Variants in TNFRSF11B observed in about 807,000 individuals in gnomAD.
TNFRSF11B encodes tumor necrosis factor receptor superfamily member 11B.
In TNFRSF11B, 16 loss-of-function variants were observed where a neutral mutation model predicts 43.4. The observed-to-expected ratio is 0.37, with a 90% CI of 0.25 to 0.56. The LOEUF is 0.56. TNFRSF11B is among the 20% of genes least tolerant of loss of function. The pLI is 0.80. For synonymous variants in TNFRSF11B, 185 were observed against 181.8 expected, an observed-to-expected ratio of 1.02 and a Z score of -0.14; for missense variants, 444 against 490.1, an observed-to-expected ratio of 0.91 and a Z score of 0.89.
At chr8:118,945,438 C>T (rs889483719) in intron 1 of TNFRSF11B, among the ~76,000 whole-genome samples, 1 of 152,028 alleles carries the variant, frequency 6.6e-6, no homozygotes, top group Non-Finnish European at 1.5e-5. Context: ...AACTTTGGAA[C>T]CTGGCTTTTA....
intron 2 of TNFRSF11B, chr8:118,930,494 C>T (rs1318044273): frequency 1.6e-5 from 3 of 191,106 alleles, no homozygotes; most frequent in African/African-American, 4.7e-5. Flanking sequence ...TCACCACAAC[C>T]TCCGCCTCCA....
chr8:118,950,093 A>C (rs1812619360), intron 1 of TNFRSF11B, among the ~76,000 whole-genome samples: 1 of 152,208 alleles, frequency 6.6e-6, no homozygotes. Flanking sequence ...ATATAAAAAT[A>C]TTTTACTATT....
chr8:118,943,914 C>A (rs1447055225), intron 1 of TNFRSF11B, among the ~76,000 whole-genome samples: 1 of 152,092 alleles, frequency 6.6e-6, no homozygotes, highest in Non-Finnish European at 1.5e-5. Flanking sequence ...GCCCAGCTAA[C>A]CCTTTATGTA....
chr8:118,944,853 C>T (rs1812535030), intron 1 of TNFRSF11B, among the ~76,000 whole-genome samples: 1 of 152,120 alleles, frequency 6.6e-6, no homozygotes, highest in African/African-American at 2.4e-5. Flanking sequence ...CTCAATGCAT[C>T]TAAGGAGACT....
chr8:118,938,405 T>C (rs531458208), intron 1 of TNFRSF11B, among the ~76,000 whole-genome samples: 1 of 152,358 alleles, frequency 6.6e-6, no homozygotes, highest in East Asian at 1.9e-4. Context: ...ATTGTTATCA[T>C]TACGTCTCCA....
At position 118,933,076 on chromosome 8, in the gene TNFRSF11B, G is replaced by A. The variant is rs769186979; in HGVS notation, c.255C>T (p.Pro85=). ...TGACGTACTGCAGCTCCTTGCACAC[G>A]GGGCTGCAGTATAGACACTCGTCAC... ...HTSDECLYCS[P]VCKELQYVKQ... Residue 85 remains proline, a synonymous_variant, in exon 2 of 5, where the codon CCC becomes CCT. Transcript: ENST00000297350. 1.9e-5 allele frequency: 31 copies of A among 1,614,042 alleles called. No homozygotes were observed. Among genetic ancestry groups the A allele is most frequent in the South Asian group, 5.5e-5 (5 of 91,090 alleles).
At chr8:118,945,549 C>T (rs1352967791) in intron 1 of TNFRSF11B, among the ~76,000 whole-genome samples, 2 of 152,112 alleles carry the variant, frequency 1.3e-5, no homozygotes, top group African/African-American at 4.8e-5. Flanking sequence ...TGCCTCTCAC[C>T]ACTGCCATTG....
intron 4 of TNFRSF11B, among the ~76,000 whole-genome samples, chr8:118,925,045 A>G (rs1471735745): frequency 1.3e-5 from 2 of 152,302 alleles, no homozygotes; most frequent in South Asian, 2.1e-4. Context: ...AAGACACATC[A>G]CTCTCAGTTT....
rs781271789 is a variant in TNFRSF11B at position 118,932,923 on chromosome 8, A to G, written c.400+8T>C. 1.9e-6 allele frequency: 3 copies of G among 1,613,968 alleles called. No homozygotes were observed. The highest frequency in any genetic ancestry group is 1.1e-5 in the South Asian group (1 of 91,080). Reference sequence around the variant, plus strand: ...TCCTAATTAATTTTGCTGCACATTGACACGTACCAGCTTGCACCACTCCAA... The same window carrying G: ...TCCTAATTAATTTTGCTGCACATTGGCACGTACCAGCTTGCACCACTCCAA... On this transcript the variant is annotated splice_region_variant and intron_variant, in intron 2 of 4. Transcript: ENST00000297350.
chr8:118,938,753 T>C (rs956742724), intron 1 of TNFRSF11B, among the ~76,000 whole-genome samples: 2 of 152,212 alleles, frequency 1.3e-5, no homozygotes, highest in Non-Finnish European at 2.9e-5. Flanking sequence ...TGAAAATTTA[T>C]CAGATCACAA....
Position 118,951,833 on chromosome 8 carries a change from G to T in TNFRSF11B, c.-12C>A. 3 of 1,586,316 alleles carry T rather than the reference G, an allele frequency of 1.9e-6. No individual in the cohort carries two copies. The highest frequency in any genetic ancestry group is 2.6e-6 in the Non-Finnish European group (3 of 1,166,208). On this transcript the variant is annotated 5_prime_UTR_variant, in exon 1 of 5. Coordinates refer to ENST00000297350, the MANE Select transcript of TNFRSF11B (RefSeq NM_002546.4). Reference sequence around the variant, plus strand: ...AGCAAGTTGTTCATTGTGGTCCCCGGAAACCTCAGGGGCTTGGAGGCGGCG... The same window carrying T: ...AGCAAGTTGTTCATTGTGGTCCCCGTAAACCTCAGGGGCTTGGAGGCGGCG...
chr8:118,930,444 CT>C (rs1203457586), intron 2 of TNFRSF11B: 1 of 156,490 alleles, frequency 6.4e-6, no homozygotes, highest in African/African-American at 2.4e-5. Context: ...GGAGTCTCAT[CT>C]CTGTCACCCA....
chr8:118,929,204 G>C, intron 2 of TNFRSF11B: 6 of 476,198 alleles, frequency 1.3e-5, no homozygotes, highest in South Asian at 6.4e-5. Context: ...AGGAAAGAAG[G>C]GTAGGGTGTT....
chr8:118,943,594 A>G (rs182149466), intron 1 of TNFRSF11B, among the ~76,000 whole-genome samples: 100 of 152,220 alleles, frequency 6.6e-4, no homozygotes, highest in African/African-American at 2.4e-3. Flanking sequence ...TCTGAACCTC[A>G]ATTTCCTTAT....
chr8:118,951,699 C>G, intron 1 of TNFRSF11B, 93 bp downstream of exon 1: 1 of 1,274,884 alleles, frequency 7.8e-7, no homozygotes, highest in East Asian at 2.5e-5. Context: ...GCGAGTGGAG[C>G]CTTCTCCCCG....
At position 118,924,148 on chromosome 8, in the gene TNFRSF11B, G is replaced by T; in HGVS notation, c.*226C>A. Reference sequence around the variant, plus strand: ...GCAAGCAGTAATAAGGGAAAATATAGTCAGTAGATAACGATCCAGATCTGA... The same window carrying T: ...GCAAGCAGTAATAAGGGAAAATATATTCAGTAGATAACGATCCAGATCTGA... On this transcript the variant is annotated 3_prime_UTR_variant, in exon 5 of 5. Transcript: ENST00000297350. 1 of 480,276 alleles carries T rather than the reference G, an allele frequency of 2.1e-6. No homozygotes were observed. Among genetic ancestry groups the T allele is most frequent in the Admixed American group, 3.5e-5 (1 of 28,428 alleles). 29.8% of individuals were successfully genotyped at this position (480,276 alleles called of 1,614,324 possible).
At chr8:118,928,666 G>T (rs983618090) in intron 3 of TNFRSF11B, 72 bp downstream of exon 3, 28 of 1,499,310 alleles carry the variant, frequency 1.9e-5, no homozygotes, top group Non-Finnish European at 1.0e-5. Context: ...GTGGCTGGAG[G>T]CCTTGTGTTC....
Position 118,926,733 on chromosome 8 carries a change from G to T in TNFRSF11B, c.593-15C>A. The T allele has an allele frequency of 6.2e-7, 1 of 1,604,018 alleles. No homozygotes were observed. Among genetic ancestry groups the T allele is most frequent in the Non-Finnish European group, 8.5e-7 (1 of 1,173,062 alleles). The stretch of plus-strand genomic sequence containing the variant: ...CAGGGTAACATCTAAAGAAAGGTTA[G>T]AAAACCCAGAAGATTTACTCAACAA... On this transcript the variant is annotated splice_polypyrimidine_tract_variant and intron_variant, in intron 3 of 4. Coordinates refer to ENST00000297350, the MANE Select transcript of TNFRSF11B (RefSeq NM_002546.4).
At chr8:118,950,303 T>C (rs1265288016) in intron 1 of TNFRSF11B, among the ~76,000 whole-genome samples, 1 of 152,202 alleles carries the variant, frequency 6.6e-6, no homozygotes, top group Admixed American at 6.5e-5. Context: ...TTGTGGTGTG[T>C]CCATACAATG....
Sources: gnomAD v4.1 joint callset for allele counts (sites outside exome capture counted in the v4.1 genomes callset) on GRCh38, gnomAD v4.1.1 for gene constraint, MANE v1.5 for transcripts, NCBI Gene and HGNC (gene_info 2026-07-23, HGNC 2026-07-21) for gene names.